The following NOS1 variants were observed in gnomAD, a reference collection of about 807,000 sequenced individuals.
NOS1 encodes NOS type I.
In NOS1, 51 loss-of-function variants were observed where a neutral mutation model predicts 164.5. The ratio of observed to expected loss-of-function variants is 0.31; its 90% CI spans 0.25 to 0.39. The LOEUF is 0.39. Ranked by LOEUF, NOS1 falls within the 10% of genes least tolerant of loss-of-function variation. NOS1 has a pLI of 1.00. For synonymous variants in NOS1, 719 were observed against 745.8 expected (o/e 0.96, Z 0.59); for missense variants, 1,362 against 1,885.6 (o/e 0.72, Z 5.14).
intron 7 of NOS1, 80 bp from the exon 8 acceptor site, chr12:117,280,946 G>GGCGAC: frequency 6.6e-7 from 1 of 1,507,020 alleles, no homozygotes; most frequent in South Asian, 1.3e-5. Context: ...CGCCACCCAG[G>GGCGAC]GCGACAGCTG....
In NOS1 at chr12:117,261,178, CA is replaced by C. The variant is rs534260940; in HGVS notation, c.2223-570del. Among the ~76,000 whole-genome samples the C allele has an allele frequency of 8.8e-3, 680 of 77,222 alleles. 4 individuals are homozygous for C. The highest frequency in any genetic ancestry group is 0.028 in the South Asian group (55 of 1,970). 50.7% of individuals were successfully genotyped at this position (77,222 alleles called of 152,430 possible). ...TGGGCGACAGAGTGAGACTCTGCCT[CA>C]AAAAAAAAAAAAAAAAAAAAAAAAA... is the stretch of plus-strand genomic sequence containing the variant. On this transcript the variant is annotated intron_variant, in intron 13 of 28. Coordinates refer to ENST00000317775, the MANE Select transcript of NOS1 (RefSeq NM_000620.5).
chr12:117,227,751 G>T lies in NOS1; in HGVS notation c.3406-110C>A. On this transcript the variant is annotated intron_variant, in intron 22 of 28. Coordinates refer to ENST00000317775, the MANE Select transcript of NOS1 (RefSeq NM_000620.5). ...GCAAAATAAAAGTAACAGTTGGCAGGTGCAGTGGCTCATGCTTGTAATTGC... is the reference window on the plus strand; with the variant it reads ...GCAAAATAAAAGTAACAGTTGGCAGTTGCAGTGGCTCATGCTTGTAATTGC... 3.1e-6 allele frequency: 3 copies of T among 968,892 alleles called. No homozygotes were observed. In the South Asian group the frequency reaches 4.1e-5, roughly 13 times the overall value. 60.0% of individuals were successfully genotyped at this position (968,892 alleles called of 1,614,324 possible). A position where few individuals can be genotyped will look rare whatever the true frequency, so the allele number is the denominator to read the frequency against.
At chr12:117,353,578 C>T (rs1265673655) in intron 1 of NOS1, among the ~76,000 whole-genome samples, 1 of 151,926 alleles carries the variant, frequency 6.6e-6, no homozygotes, top group African/African-American at 2.4e-5. Flanking sequence ...TCATAAGTCT[C>T]ATCCCTGTTG....
rs944887862 is a variant in NOS1 at position 117,209,544 on chromosome 12, C to T, written c.*5765G>A. The T allele has an allele frequency of 6.7e-5, 66 of 985,496 alleles. No individual in the cohort carries two copies. Among genetic ancestry groups the T allele is most frequent in the African/African-American group, 2.1e-4 (12 of 57,382 alleles). The allele number at this position is 985,496 out of a possible 1,614,324, so 61.0% of individuals were successfully genotyped here. On this transcript the variant is annotated 3_prime_UTR_variant, in exon 29 of 29. Transcript: ENST00000317775. ...CCTGCCAGGGCCATCTCGTTAATAA[C>T]GGACTGTGTTTTGGGCCAGACGGGC...
At chr12:117,295,599 A>G (rs944417244) in intron 3 of NOS1, among the ~76,000 whole-genome samples, 1 of 145,708 alleles carries the variant, frequency 6.9e-6, no homozygotes, top group African/African-American at 2.5e-5. Context: ...CATGTTAGAG[A>G]TCTTTCCTGA....
chr12:117,219,690 A>T (rs1269705906), intron 27 of NOS1, among the ~76,000 whole-genome samples: 1 of 152,134 alleles, frequency 6.6e-6, no homozygotes, highest in Non-Finnish European at 1.5e-5. Flanking sequence ...GAGACTGAGT[A>T]TATAGAGGGC....
At chr12:117,312,476 C>A (rs1874478730) in intron 2 of NOS1, among the ~76,000 whole-genome samples, 3 of 152,148 alleles carry the variant, frequency 2.0e-5, no homozygotes, top group Admixed American at 1.3e-4. Flanking sequence ...AACACAGTGG[C>A]ACAATCACAA....
intron 7 of NOS1, among the ~76,000 whole-genome samples, chr12:117,283,450 C>A (rs898230634): frequency 6.6e-6 from 1 of 152,170 alleles, no homozygotes; most frequent in Non-Finnish European, 1.5e-5. Flanking sequence ...TGAATGTTTT[C>A]TTTAATAGAA....
intron 2 of NOS1, among the ~76,000 whole-genome samples, chr12:117,316,966 C>T (rs764219409): frequency 7.9e-5 from 12 of 152,068 alleles, no homozygotes; most frequent in Non-Finnish European, 1.2e-4. Flanking sequence ...CTGTGACCTC[C>T]GCCTCCTGGG....
Position 117,215,296 on chromosome 12 carries a change from C to T in NOS1, c.*13G>A. The T allele has an allele frequency of 6.4e-7, 1 of 1,555,630 alleles. No homozygotes were observed. The highest frequency in any genetic ancestry group is 8.7e-7 in the Non-Finnish European group (1 of 1,149,774). On this transcript the variant is annotated 3_prime_UTR_variant, in exon 29 of 29. Coordinates refer to ENST00000317775, the MANE Select transcript of NOS1 (RefSeq NM_000620.5). ...CTTACAAAACTTGCAGCCGGCTGGGCAAGAGGGTCCAGTTAGGAGCTGAAA... is the reference window on the plus strand; with the variant it reads ...CTTACAAAACTTGCAGCCGGCTGGGTAAGAGGGTCCAGTTAGGAGCTGAAA...
intron 21 of NOS1, among the ~76,000 whole-genome samples, chr12:117,233,618 C>T (rs978239735): frequency 9.2e-5 from 14 of 151,600 alleles, no homozygotes; most frequent in Admixed American, 2.6e-4. Context: ...ACCAGCCTGG[C>T]CAACATGATG....
chr12:117,214,434 C>A lies in NOS1; in HGVS notation c.*875G>T, dbSNP rs1956572098. ...GCTATTGCTGGAGGAGGGGGTCAGT[C>A]AATGGATGTGGCAAAGTCAAGTGAT... On this transcript the variant is annotated 3_prime_UTR_variant, in exon 29 of 29. Coordinates refer to ENST00000317775, the MANE Select transcript of NOS1 (RefSeq NM_000620.5). 3 of 983,478 alleles carry A rather than the reference C, an allele frequency of 3.1e-6. No homozygotes were observed. The highest frequency in any genetic ancestry group is 3.6e-6 in the Non-Finnish European group (3 of 829,320). The allele number at this position is 983,478 out of a possible 1,614,324, so 60.9% of individuals were successfully genotyped here. A position where few individuals can be genotyped will look rare whatever the true frequency, so the allele number is the denominator to read the frequency against.
chr12:117,324,442 C>T (rs923962217), intron 2 of NOS1, among the ~76,000 whole-genome samples: 2 of 152,064 alleles, frequency 1.3e-5, no homozygotes, highest in African/African-American at 4.8e-5. Context: ...TTAAAGTGAC[C>T]GCTCCAGCCA....
At chr12:117,318,168 T>TCACA (rs141152337) in intron 2 of NOS1, among the ~76,000 whole-genome samples, 3 of 151,616 alleles carry the variant, frequency 2.0e-5, no homozygotes, top group East Asian at 3.9e-4. Context: ...ACAGACCCTG[T>TCACA]CACACACACA....
chr12:117,317,550 C>T (rs1364267208), intron 2 of NOS1, among the ~76,000 whole-genome samples: 1 of 151,512 alleles, frequency 6.6e-6, no homozygotes, highest in African/African-American at 2.4e-5. Flanking sequence ...GTACTCCTAA[C>T]CATTGAGAGG....
Position 117,213,238 on chromosome 12 carries a change from T to TG in NOS1, c.*2070dup. On this transcript the variant is annotated 3_prime_UTR_variant, in exon 29 of 29. Transcript: ENST00000317775. ...ACAACAGTTTCCTTCCCTGGGGAAT[T>TG]GGGGAGGCGTCTCCAAAGCTATAAA... The TG allele has an allele frequency of 3.0e-6, 3 of 985,388 alleles. No individual in the cohort carries two copies. Among genetic ancestry groups the TG allele is most frequent in the Non-Finnish European group, 3.6e-6 (3 of 829,938 alleles). The allele number at this position is 985,388 out of a possible 1,614,324, so 61.0% of individuals were successfully genotyped here. A position where few individuals can be genotyped will look rare whatever the true frequency, so the allele number is the denominator to read the frequency against.
At position 117,210,456 on chromosome 12, in the gene NOS1, C is replaced by G. The variant is rs1029048369; in HGVS notation, c.*4853G>C. The G allele has an allele frequency of 4.1e-6, 4 of 985,330 alleles. No homozygotes were observed. The African/African-American group carries it at 7.0e-5, about 17-fold the overall frequency. 61.0% of individuals were successfully genotyped at this position (985,330 alleles called of 1,614,324 possible). On this transcript the variant is annotated 3_prime_UTR_variant, in exon 29 of 29. Transcript: ENST00000317775. ...GAAGGCTTTGAGGACATGGTGGCCA[C>G]AGCGGCATGCTGGGTATGTGGGGCA...
rs1389125997 is a variant in NOS1, at chr12:117,263,739, GA to G, written c.2222+149del. 26 of 596,592 alleles carry G rather than the reference GA, an allele frequency of 4.4e-5. No individual in the cohort carries two copies. The East Asian group carries it at 7.2e-4, about 17-fold the overall frequency. 37.0% of individuals were successfully genotyped at this position (596,592 alleles called of 1,614,324 possible). A position where few individuals can be genotyped will look rare whatever the true frequency, so the allele number is the denominator to read the frequency against. On this transcript the variant is annotated intron_variant, in intron 13 of 28. Coordinates refer to ENST00000317775, the MANE Select transcript of NOS1 (RefSeq NM_000620.5). ...GAACGACATTCACAGCTCAGACTCA[GA>G]GGCAAAGAAGGCCCAGGTGGCTGAA...
At chr12:117,271,601 C>T (rs1277512836) in intron 10 of NOS1, among the ~76,000 whole-genome samples, 10 of 152,176 alleles carry the variant, frequency 6.6e-5, no homozygotes, top group African/African-American at 2.4e-4. Context: ...CAGCACAAAC[C>T]TGATGCTCGG....
Sources: allele counts gnomAD v4.1 joint callset (sites outside exome capture counted in the v4.1 genomes callset), GRCh38; gene constraint gnomAD v4.1.1; transcripts MANE v1.5; gene names NCBI Gene and HGNC (gene_info 2026-07-23, HGNC 2026-07-21).